The following TMEM117 variants were observed in gnomAD, a reference collection of about 807,000 sequenced individuals.
TMEM117 encodes the protein transmembrane protein 117.
Under a neutral mutation model 52.4 loss-of-function variants are expected in TMEM117, and 27 were observed. The observed-to-expected ratio is 0.51, with a 90% CI of 0.38 to 0.71. The LOEUF is 0.71. Ranked by LOEUF, TMEM117 falls within the 30% of genes least tolerant of loss-of-function variation. The pLI is 0.00. For missense variants in TMEM117, 556 were observed against 630.5 expected (o/e 0.88, Z 1.26); for synonymous variants, 215 against 206.3 (o/e 1.04, Z -0.36).
At chr12:44,042,761 TACACACACACACACACACACACAC>T (rs61350418) in intron 3 of TMEM117, among the ~76,000 whole-genome samples, 2 of 132,154 alleles carry the variant, frequency 1.5e-5, no homozygotes, top group South Asian at 2.7e-4. Flanking sequence ...CTTAATAAAC[TACACACACACACACACACACACAC>T]ACACACACAC....
chr12:43,906,449 T>G, intron 2 of TMEM117, among the ~76,000 whole-genome samples: 2 of 128,600 alleles, frequency 1.6e-5, no homozygotes, highest in Admixed American at 8.7e-5. Flanking sequence ...GGTGAGGGAG[T>G]GAGACGCTGT....
intron 3 of TMEM117, among the ~76,000 whole-genome samples, chr12:43,971,806 C>T (rs1298087258): frequency 6.6e-6 from 1 of 152,152 alleles, no homozygotes; most frequent in African/African-American, 2.4e-5. Context: ...ATATACAATG[C>T]ATTATTGTTA....
At chr12:43,889,186 A>G (rs1023984696) in intron 2 of TMEM117, among the ~76,000 whole-genome samples, 6 of 150,234 alleles carry the variant, frequency 4.0e-5, no homozygotes, top group African/African-American at 1.5e-4. Flanking sequence ...GGGTACAAGC[A>G]ATTCTCCTGC....
At chr12:44,175,233 TTGA>T in intron 4 of TMEM117, among the ~76,000 whole-genome samples, 1 of 152,108 alleles carries the variant, frequency 6.6e-6, no homozygotes, top group South Asian at 2.1e-4. Context: ...GCTTAAGGTG[TTGA>T]TGGTGGAGAA....
chr12:44,230,605 TC>T (rs1019732510), intron 5 of TMEM117, among the ~76,000 whole-genome samples: 6 of 152,028 alleles, frequency 3.9e-5, no homozygotes, highest in African/African-American at 1.4e-4. Flanking sequence ...GCTCTTCTGT[TC>T]TTCACTAAAA....
chr12:44,053,151 G>C (rs946972866), intron 3 of TMEM117, among the ~76,000 whole-genome samples: 1 of 152,144 alleles, frequency 6.6e-6, no homozygotes, highest in Admixed American at 6.5e-5. Flanking sequence ...TCATACACTT[G>C]CCTTCCCTTC....
intron 6 of TMEM117, among the ~76,000 whole-genome samples, chr12:44,361,700 T>A (rs1195197079): frequency 6.6e-6 from 1 of 152,162 alleles, no homozygotes; most frequent in East Asian, 1.9e-4. Context: ...GTGAAGTTAA[T>A]GAACACCACA....
At chr12:44,354,998 C>T (rs1951626449) in intron 6 of TMEM117, among the ~76,000 whole-genome samples, 1 of 151,934 alleles carries the variant, frequency 6.6e-6, no homozygotes, top group African/African-American at 2.4e-5. Context: ...CCAGCATACT[C>T]ATAATAAATA....
intron 3 of TMEM117, among the ~76,000 whole-genome samples, chr12:44,071,791 C>T (rs573494174): frequency 1.3e-5 from 2 of 152,128 alleles, no homozygotes; most frequent in East Asian, 1.9e-4. Context: ...TGTGTTGTGG[C>T]CTGGTTCAAG....
chr12:44,156,834 C>T (rs1405854148), intron 4 of TMEM117, among the ~76,000 whole-genome samples: 4 of 151,990 alleles, frequency 2.6e-5, no homozygotes, highest in African/African-American at 7.2e-5. Flanking sequence ...TACATTGCCA[C>T]GAGGCAATAT....
At chr12:44,299,553 C>A (rs994052078) in intron 5 of TMEM117, 27 bp from the exon 6 acceptor site, 3 of 1,612,332 alleles carry the variant, frequency 1.9e-6, no homozygotes, top group Non-Finnish European at 2.5e-6. Flanking sequence ...GCCTTATGTT[C>A]TTTAATGAGT....
At chr12:43,969,496 T>C (rs961185104) in intron 3 of TMEM117, among the ~76,000 whole-genome samples, 2 of 151,438 alleles carry the variant, frequency 1.3e-5, no homozygotes, top group Non-Finnish European at 2.9e-5. Flanking sequence ...CACTCCAGCC[T>C]GGGCAACAGA....
At chr12:44,356,603 A>G (rs1951652452) in intron 6 of TMEM117, among the ~76,000 whole-genome samples, 1 of 151,992 alleles carries the variant, frequency 6.6e-6, no homozygotes, top group South Asian at 2.1e-4. Flanking sequence ...TATTCCCCAA[A>G]TCTTCTGCCC....
intron 5 of TMEM117, among the ~76,000 whole-genome samples, chr12:44,218,644 A>T (rs569247208): frequency 6.6e-6 from 1 of 152,210 alleles, no homozygotes; most frequent in East Asian, 1.9e-4. Context: ...AAGAAAAGGG[A>T]AACAAACAAG....
At chr12:44,398,957 G>A in the TMEM117 span, among the ~76,000 whole-genome samples, 1 of 151,982 alleles carries the variant, frequency 6.6e-6, no homozygotes, top group African/African-American at 2.4e-5. Context: ...CCTCTCTCAG[G>A]ATATATGATA....
intron 3 of TMEM117, among the ~76,000 whole-genome samples, chr12:43,965,114 G>A (rs959851940): frequency 5.1e-4 from 77 of 152,322 alleles, no homozygotes; most frequent in African/African-American, 1.8e-3. Context: ...TGCTAGTAAT[G>A]TTACAGTGTG....
intron 5 of TMEM117, among the ~76,000 whole-genome samples, chr12:44,243,632 T>C (rs1264390277): frequency 6.6e-6 from 1 of 151,924 alleles, no homozygotes; most frequent in Non-Finnish European, 1.5e-5. Context: ...TTTGTGATGA[T>C]ACACTTAAAA....
chr12:44,077,605 A>T (rs1468896601), intron 3 of TMEM117, among the ~76,000 whole-genome samples: 1 of 152,208 alleles, frequency 6.6e-6, no homozygotes, highest in Non-Finnish European at 1.5e-5. Flanking sequence ...GAATCCTAGA[A>T]GATTTTGCTT....
intron 3 of TMEM117, among the ~76,000 whole-genome samples, chr12:44,026,767 C>T (rs896880252): frequency 3.9e-5 from 6 of 152,196 alleles, no homozygotes; most frequent in Middle Eastern, 3.4e-3. Flanking sequence ...TTCAAATATT[C>T]ATATTTAGCA....
Sources: gnomAD v4.1 joint callset for allele counts (sites outside exome capture counted in the v4.1 genomes callset) on GRCh38, gnomAD v4.1.1 for gene constraint, MANE v1.5 for transcripts, NCBI Gene and HGNC (gene_info 2026-07-23, HGNC 2026-07-21) for gene names.